Variants in LMAN2L observed in about 807,000 individuals in gnomAD.
LMAN2L encodes the protein lectin, mannose binding 2 like.
In LMAN2L, 30 loss-of-function variants were observed where a neutral mutation model predicts 44.3. That is an observed-to-expected ratio of 0.68 (90% confidence interval 0.51 to 0.92). The LOEUF is 0.92. Ranked by LOEUF, LMAN2L falls within the 40% of genes least tolerant of loss-of-function variation. The pLI is 0.00. For missense variants in LMAN2L, 429 were observed against 446.1 expected (o/e 0.96, Z 0.35); for synonymous variants, 183 against 171.1 (o/e 1.07, Z -0.54).
At chr2:96,737,608 G>A (rs1256570433) in intron 2 of LMAN2L, among the ~76,000 whole-genome samples, 1 of 152,182 alleles carries the variant, frequency 6.6e-6, no homozygotes, top group African/African-American at 2.4e-5. Flanking sequence ...AGCTATGATT[G>A]TGCCACTGCA....
chr2:96,718,841 G>A (rs2078093781), intron 4 of LMAN2L, among the ~76,000 whole-genome samples: 1 of 152,160 alleles, frequency 6.6e-6, no homozygotes, highest in Non-Finnish European at 1.5e-5. Flanking sequence ...CTGTCCCCAG[G>A]ACTCACAGCT....
intron 1 of LMAN2L, among the ~76,000 whole-genome samples, chr2:96,739,155 G>C (rs1478169653): frequency 6.6e-6 from 1 of 152,198 alleles, no homozygotes; most frequent in African/African-American, 2.4e-5. Context: ...CATTAGCAAA[G>C]AGACAGCACA....
chr2:96,736,541 C>CA (rs1303877855), intron 2 of LMAN2L, among the ~76,000 whole-genome samples: 1 of 152,190 alleles, frequency 6.6e-6, no homozygotes, highest in African/African-American at 2.4e-5. Flanking sequence ...AAGCCTTGAA[C>CA]ATAATCATCC....
At chr2:96,711,347 GGA>G (rs1321342982) in intron 6 of LMAN2L, among the ~76,000 whole-genome samples, 13 of 152,202 alleles carry the variant, frequency 8.5e-5, no homozygotes, top group African/African-American at 2.9e-4. Context: ...GTGGTTGGAA[GGA>G]GAGGAGCCTG....
intron 4 of LMAN2L, among the ~76,000 whole-genome samples, chr2:96,720,364 T>C (rs1306873171): frequency 2.0e-5 from 3 of 152,188 alleles, no homozygotes. Context: ...AGCTCCAAGA[T>C]TGCTACTGAC....
Position 96,711,869 on chromosome 2 carries a change from A to T in LMAN2L, c.664T>A (p.Leu222Met), listed in dbSNP as rs750396597. The change falls in exon 5 of 8, where the codon TTG (leucine) becomes ATG (methionine). Residue 222 changes from leucine to methionine, a missense_variant. Leu to Met is a conservative substitution (Grantham distance 15). Coordinates refer to ENST00000264963, the MANE Select transcript of LMAN2L (RefSeq NM_030805.4). Reference protein sequence around the residue: ...FLVIRYVKRHLTIMMDIDGKH... With the variant: ...FLVIRYVKRHMTIMMDIDGKH... Reference sequence around the variant, plus strand: ...TCCAGGACAAGGACTCTCACCGTCAAATGCCTCTTGACGTAGCGAATCACC... The same window carrying T: ...TCCAGGACAAGGACTCTCACCGTCATATGCCTCTTGACGTAGCGAATCACC... The T allele has an allele frequency of 6.2e-7, 1 of 1,614,232 alleles. No homozygotes were observed. The highest frequency in any genetic ancestry group is 8.5e-7 in the Non-Finnish European group (1 of 1,180,036).
chr2:96,711,548 C>T, intron 6 of LMAN2L, 108 bp downstream of exon 6: 1 of 712,738 alleles, frequency 1.4e-6, no homozygotes. Flanking sequence ...GAGGCACCTC[C>T]TTCCAGAGCA....
At chr2:96,709,886 AC>A (rs1161772383) in intron 6 of LMAN2L, among the ~76,000 whole-genome samples, 1 of 152,260 alleles carries the variant, frequency 6.6e-6, no homozygotes, top group Non-Finnish European at 1.5e-5. Context: ...CTTAGACTAA[AC>A]AAAAAATTAT....
intron 2 of LMAN2L, chr2:96,737,302 C>T (rs2078536528): frequency 5.5e-6 from 2 of 365,764 alleles, no homozygotes; most frequent in East Asian, 8.7e-5. Flanking sequence ...ATATCAGACT[C>T]TTCAAATTGA....
intron 4 of LMAN2L, among the ~76,000 whole-genome samples, chr2:96,732,874 G>A (rs539194772): frequency 3.4e-3 from 505 of 149,460 alleles, no homozygotes; most frequent in Non-Finnish European, 5.0e-3. Context: ...TCAGCCTCCC[G>A]AGTAGGTGGG....
Position 96,734,401 on chromosome 2 carries a change from C to A in LMAN2L, c.424+8G>T. ...CACCCACACAAGAGTAACACAGGCT[C>A]CCAATACCTGGCTGCATCCGATCCT... On this transcript the variant is annotated splice_region_variant and intron_variant, in intron 3 of 7. Coordinates refer to ENST00000264963, the MANE Select transcript of LMAN2L (RefSeq NM_030805.4). The A allele has an allele frequency of 6.5e-7, 1 of 1,539,920 alleles. No individual in the cohort carries two copies. Among genetic ancestry groups the A allele is most frequent in the Non-Finnish European group, 9.0e-7 (1 of 1,112,250 alleles).
At chr2:96,725,734 C>G (rs549373136) in intron 4 of LMAN2L, among the ~76,000 whole-genome samples, 1 of 151,928 alleles carries the variant, frequency 6.6e-6, no homozygotes, top group African/African-American at 2.4e-5. Context: ...CGTAAGCCAC[C>G]GCACCCGGCC....
At chr2:96,715,088 G>A (rs775148251) in intron 4 of LMAN2L, among the ~76,000 whole-genome samples, 4 of 152,042 alleles carry the variant, frequency 2.6e-5, no homozygotes, top group South Asian at 2.1e-4. Context: ...ACAGGCGCTC[G>A]CCACCATGCC....
At chr2:96,719,266 C>T (rs2078101914) in intron 4 of LMAN2L, among the ~76,000 whole-genome samples, 1 of 152,144 alleles carries the variant, frequency 6.6e-6, no homozygotes, top group African/African-American at 2.4e-5. Context: ...GGGTCCAACA[C>T]TTTAATCAGA....
At chr2:96,724,798 T>G (rs1025423392) in intron 4 of LMAN2L, among the ~76,000 whole-genome samples, 1 of 151,386 alleles carries the variant, frequency 6.6e-6, no homozygotes, top group Non-Finnish European at 1.5e-5. Context: ...AGGCGCACAC[T>G]GCGAAGCTCA....
chr2:96,728,935 G>C (rs2078332997), intron 4 of LMAN2L, among the ~76,000 whole-genome samples: 1 of 151,932 alleles, frequency 6.6e-6, no homozygotes, highest in South Asian at 2.1e-4. Flanking sequence ...CATTTTGGGA[G>C]GCTAAGGTGG....
At chr2:96,715,002 A>T (rs560325431) in intron 4 of LMAN2L, among the ~76,000 whole-genome samples, 1 of 152,214 alleles carries the variant, frequency 6.6e-6, no homozygotes, top group South Asian at 2.1e-4. Flanking sequence ...GCAGTGGCGA[A>T]ATCTTGGCTC....
At chr2:96,733,029 G>A (rs182252194) in intron 4 of LMAN2L, among the ~76,000 whole-genome samples, 144 of 152,210 alleles carry the variant, frequency 9.5e-4, no homozygotes, top group Non-Finnish European at 1.5e-3. Flanking sequence ...GCTTACAGGT[G>A]TTAGCCACCA....
At chr2:96,709,467 T>C (rs938921167) in intron 6 of LMAN2L, among the ~76,000 whole-genome samples, 35 of 152,312 alleles carry the variant, frequency 2.3e-4, no homozygotes, top group African/African-American at 7.9e-4. Flanking sequence ...GGGGTGCTCA[T>C]TGCTACTAGG....
Sources: gnomAD v4.1 joint callset for allele counts (sites outside exome capture counted in the v4.1 genomes callset) on GRCh38, gnomAD v4.1.1 for gene constraint, MANE v1.5 for transcripts, NCBI Gene and HGNC (gene_info 2026-07-23, HGNC 2026-07-21) for gene names.